Variants in UFL1 observed in about 807,000 individuals in gnomAD.
UFL1 encodes the protein UFM1 specific ligase 1.
A neutral mutation model predicts 99.3 loss-of-function variants in UFL1; 78 were observed. That is an observed-to-expected ratio of 0.79 (90% CI 0.65 to 0.95). UFL1 has a LOEUF of 0.95. Among genes scored for constraint, UFL1 ranks in the 40% least tolerant of loss-of-function variants. The pLI is 0.00. For synonymous variants in UFL1, 335 were observed against 322.2 expected (o/e 1.04, Z -0.42); for missense variants, 936 against 937.0 (o/e 1.00, Z 0.01).
chr6:96,526,299 A>G, intron 4 of UFL1, 22 bp from the exon 5 acceptor site: 2 of 1,560,998 alleles, frequency 1.3e-6, no homozygotes, highest in Non-Finnish European at 1.7e-6. Flanking sequence ...TTTTTCTATT[A>G]TTTTCTTGTT....
At chr6:96,527,631 CAT>C (rs1270608266) in intron 5 of UFL1, among the ~76,000 whole-genome samples, 20 of 152,122 alleles carry the variant, frequency 1.3e-4, no homozygotes, top group Admixed American at 5.9e-4. Context: ...CATGGGCAAA[CAT>C]ATGTTAATCA....
At chr6:96,528,900 A>C (rs2127949416) in intron 6 of UFL1, among the ~76,000 whole-genome samples, 1 of 152,302 alleles carries the variant, frequency 6.6e-6, no homozygotes, top group African/African-American at 2.4e-5. Context: ...AGTGCAGTTT[A>C]AATACTGCTG....
chr6:96,523,050 A>G, intron 1 of UFL1, 96 bp from the exon 2 acceptor site: 1 of 1,280,676 alleles, frequency 7.8e-7, no homozygotes, highest in Non-Finnish European at 1.0e-6. Flanking sequence ...TGACTAAACA[A>G]ACTTTTTAAA....
chr6:96,543,675 A>G (rs929679160), intron 12 of UFL1, among the ~76,000 whole-genome samples: 5 of 151,108 alleles, frequency 3.3e-5, no homozygotes, highest in African/African-American at 1.2e-4. Context: ...AAACTTCACA[A>G]TTCTTGGAGA....
At chr6:96,525,222 A>G in intron 3 of UFL1, 75 bp from the exon 4 acceptor site, 1 of 1,153,714 alleles carries the variant, frequency 8.7e-7, no homozygotes, top group South Asian at 1.5e-5. Context: ...TTAAAAATAT[A>G]GTTCTAAGTA....
At chr6:96,538,887 G>T in intron 10 of UFL1, 77 bp downstream of exon 10, 1 of 1,294,918 alleles carries the variant, frequency 7.7e-7, no homozygotes, top group Non-Finnish European at 1.0e-6. Context: ...TTTGAAAAAG[G>T]GGATAAGTGA....
rs1770050651 is a variant in UFL1, at chr6:96,549,724, C to T, written c.1743C>T (p.Ile581=). The change falls in exon 15 of 19, where the codon ATC becomes ATT. Residue 581 remains isoleucine, a synonymous_variant. Transcript: ENST00000369278. ...KHLLKSVCTD[I]TNLIFNFLAS... is the part of the protein sequence containing the mutation. ...TGCTGAAGTCAGTGTGTACTGATATCACTAACCTCATTTTCAACTTCTTAG... is the reference window on the plus strand; with the variant it reads ...TGCTGAAGTCAGTGTGTACTGATATTACTAACCTCATTTTCAACTTCTTAG... 1 of 1,612,378 alleles carries T rather than the reference C, an allele frequency of 6.2e-7. No homozygotes were observed. The highest frequency in any genetic ancestry group is 2.2e-5 in the East Asian group (1 of 44,826).
intron 6 of UFL1, among the ~76,000 whole-genome samples, chr6:96,530,720 C>G (rs1769771655): frequency 6.6e-6 from 1 of 152,166 alleles, no homozygotes; most frequent in African/African-American, 2.4e-5. Context: ...TAAGATGTTC[C>G]AGGCTCAGTT....
rs921330666 is a variant in UFL1 at position 96,524,478 on chromosome 6, G to A, written c.252+68G>A. On this transcript the variant is annotated intron_variant, in intron 3 of 18. Coordinates refer to ENST00000369278, the MANE Select transcript of UFL1 (RefSeq NM_015323.5). Reference sequence around the variant, plus strand: ...TTTTTGATACTGTGAATTTGTTCAAGTATTCACTAATGCTGGTATCATATT... The same window carrying A: ...TTTTTGATACTGTGAATTTGTTCAAATATTCACTAATGCTGGTATCATATT... The A allele has an allele frequency of 4.1e-6, 5 of 1,224,756 alleles. No individual in the cohort carries two copies. The Admixed American group carries it at 1.2e-4, about 29-fold the overall frequency. The allele number at this position is 1,224,756 out of a possible 1,614,324, so 75.9% of individuals were successfully genotyped here.
chr6:96,526,406 T>TA lies in UFL1; in HGVS notation c.437dup (p.Tyr146Ter). ...CACCATATCAGAACTGTGTAAAACT[T>TA]ATGATCTTCCTGGGAACTTTCTGAC... ...QVTISELCKT[Y>*]DLPGNFLTQA... is the part of the protein sequence containing the mutation. Residue 146 changes from tyrosine to a stop codon, truncating the protein, a stop_gained and frameshift_variant, in exon 5 of 19, where the codon TAT (tyrosine) becomes TAAT (stop). Transcript: ENST00000369278. LOFTEE classifies it high-confidence loss of function. The TA allele has an allele frequency of 6.2e-7, 1 of 1,612,436 alleles. No individual in the cohort carries two copies. Among genetic ancestry groups the TA allele is most frequent in the Non-Finnish European group, 8.5e-7 (1 of 1,179,548 alleles).
chr6:96,537,128 T>G (rs1769864715), intron 8 of UFL1, among the ~76,000 whole-genome samples: 1 of 151,752 alleles, frequency 6.6e-6, no homozygotes, highest in Non-Finnish European at 1.5e-5. Context: ...GGTAGAATAC[T>G]GGGTTTTTTC....
chr6:96,529,841 G>T (rs780722649), intron 6 of UFL1, among the ~76,000 whole-genome samples: 10 of 152,156 alleles, frequency 6.6e-5, no homozygotes, highest in African/African-American at 9.7e-5. Flanking sequence ...AGGAGAGCAT[G>T]TATTCTAATG....
chr6:96,552,255 C>T (rs1009792098), intron 17 of UFL1, among the ~76,000 whole-genome samples: 4 of 152,046 alleles, frequency 2.6e-5, no homozygotes, highest in Non-Finnish European at 4.4e-5. Context: ...AAAAAACATA[C>T]TTTGAGTATT....
At chr6:96,530,574 CT>C (rs1769769230) in intron 6 of UFL1, among the ~76,000 whole-genome samples, 1 of 152,104 alleles carries the variant, frequency 6.6e-6, no homozygotes, top group African/African-American at 2.4e-5. Context: ...TCATGATTCC[CT>C]AATTTATTTA....
In UFL1 at chr6:96,523,180, A is replaced by T. The variant is rs750501996; in HGVS notation, c.112A>T (p.Lys38Ter). 1.2e-6 allele frequency: 2 copies of T among 1,612,866 alleles called. No individual in the cohort carries two copies. Among genetic ancestry groups the T allele is most frequent in the South Asian group, 2.2e-5 (2 of 90,766 alleles). ...SERNCIEIVN[K>*]LIAQKQLEVV... is the part of the protein sequence containing the mutation. ...GCGGAACTGCATTGAGATTGTTAAT[A>T]AATTGATTGCTCAGAAACAGCTAGA... Residue 38 changes from lysine (K) to a stop codon, truncating the protein, a stop_gained, in exon 2 of 19, where the codon AAA (lysine) becomes TAA (stop). Coordinates refer to ENST00000369278, the MANE Select transcript of UFL1 (RefSeq NM_015323.5). LOFTEE classifies it high-confidence loss of function.
intron 6 of UFL1, among the ~76,000 whole-genome samples, chr6:96,530,096 T>G (rs1769763234): frequency 6.6e-6 from 1 of 152,180 alleles, no homozygotes; most frequent in Non-Finnish European, 1.5e-5. Flanking sequence ...ATAATGTCCT[T>G]TATAGAAAAA....
rs182670305 is a variant in UFL1 at position 96,522,708 on chromosome 6, T to C, written c.78-438T>C. Among the ~76,000 whole-genome samples, 15 of 152,346 alleles carry C rather than the reference T, an allele frequency of 9.8e-5. No individual in the cohort carries two copies. In the East Asian group the frequency reaches 2.7e-3, roughly 27 times the overall value. Reference sequence around the variant, plus strand: ...TATGGTTTCACTAGGCCACATCCCCTGCCTGCTTGCAGACCATGTGTGTAA... The same window carrying C: ...TATGGTTTCACTAGGCCACATCCCCCGCCTGCTTGCAGACCATGTGTGTAA... On this transcript the variant is annotated intron_variant, in intron 1 of 18. Transcript: ENST00000369278.
intron 10 of UFL1, among the ~76,000 whole-genome samples, chr6:96,539,214 A>G (rs1178721923): frequency 1.3e-5 from 2 of 151,742 alleles, no homozygotes; most frequent in South Asian, 2.1e-4. Context: ...CCTATTTGGC[A>G]TACACAGACA....
intron 1 of UFL1, among the ~76,000 whole-genome samples, chr6:96,522,214 C>G (rs1201631017): frequency 6.6e-6 from 1 of 152,088 alleles, no homozygotes; most frequent in African/African-American, 2.4e-5. Flanking sequence ...TGGACGGGGC[C>G]GGTGATTTCG....
Sources: gnomAD v4.1 joint callset for allele counts (sites outside exome capture counted in the v4.1 genomes callset) on GRCh38, gnomAD v4.1.1 for gene constraint, MANE v1.5 for transcripts, NCBI Gene and HGNC (gene_info 2026-07-23, HGNC 2026-07-21) for gene names.